The following APOO variants were observed in gnomAD, a reference collection of about 807,000 sequenced individuals.
APOO encodes apolipoprotein O.
Under a neutral mutation model 23.1 loss-of-function variants are expected in APOO, and 11 were observed. The observed-to-expected ratio is 0.48, with a 90% CI of 0.30 to 0.79. APOO has a LOEUF of 0.79. Among genes scored for constraint, APOO ranks in the 30% least tolerant of loss-of-function variants. The pLI, the probability that APOO is intolerant of heterozygous loss-of-function variation, is 0.07. For synonymous variants in APOO, 59 were observed against 54.8 expected (o/e 1.08, Z -0.34); for missense variants, 160 against 142.7 (o/e 1.12, Z -0.62).
chrX:23,879,705 G>A (rs141865061), intron 2 of APOO, among the ~76,000 whole-genome samples: 314 of 111,645 alleles, frequency 2.8e-3, no homozygotes, highest in African/African-American at 8.3e-3. Context: ...TGGGTGAAGG[G>A]GTTAAAAAAG....
chrX:23,847,659 C>A (rs1924310184), intron 7 of APOO, among the ~76,000 whole-genome samples: 1 of 108,088 alleles, frequency 9.3e-6, no homozygotes, highest in African/African-American at 3.3e-5. Context: ...GAAACAGGGT[C>A]TCGCTCTGTC....
chrX:23,847,553 G>A (rs1398331948), intron 7 of APOO, among the ~76,000 whole-genome samples: 1 of 110,281 alleles, frequency 9.1e-6, no homozygotes, highest in Admixed American at 9.7e-5. Flanking sequence ...GTGAACCCGG[G>A]AGGCAGAGCT....
chrX:23,883,271 T>TCTTG (rs1425725474), intron 1 of APOO: 2 of 110,439 alleles, frequency 1.8e-5, no homozygotes, highest in Non-Finnish European at 3.8e-5. Context: ...CACACTCCCA[T>TCTTG]CTTGTGCCTA....
chrX:23,864,733 G>T (rs1239976466), intron 5 of APOO, among the ~76,000 whole-genome samples: 2 of 112,222 alleles, frequency 1.8e-5, no homozygotes, highest in Non-Finnish European at 3.8e-5. Flanking sequence ...TATCAACCTA[G>T]ACTATTAATG....
At chrX:23,890,061 A>G (rs1926585421) in intron 1 of APOO, among the ~76,000 whole-genome samples, 1 of 111,799 alleles carries the variant, frequency 8.9e-6, no homozygotes, top group Non-Finnish European at 1.9e-5. Context: ...CAAGATAAGC[A>G]AAGTTTTGAA....
chrX:23,842,747 G>A (rs747235219), intron 7 of APOO, among the ~76,000 whole-genome samples: 6 of 112,026 alleles, frequency 5.4e-5, no homozygotes, highest in East Asian at 2.8e-4. Context: ...GGTGGCTCAC[G>A]CCTGTAATCC....
chrX:23,840,201 T>G, intron 8 of APOO, 112 bp downstream of exon 8: 1 of 425,572 alleles, frequency 2.3e-6, no homozygotes. Flanking sequence ...ATAAAATATT[T>G]TCACATCAAA....
At chrX:23,876,628 G>A (rs973185623) in intron 3 of APOO, among the ~76,000 whole-genome samples, 5 of 109,673 alleles carry the variant, frequency 4.6e-5, no homozygotes, top group African/African-American at 1.7e-4. Flanking sequence ...GTGAAACCCC[G>A]TCTCTACTAA....
chrX:23,899,273 G>A (rs1927030541), intron 1 of APOO, among the ~76,000 whole-genome samples: 1 of 112,493 alleles, frequency 8.9e-6, no homozygotes, highest in Non-Finnish European at 1.9e-5. Context: ...GCATAAAGCT[G>A]TATCAGGAAA....
At chrX:23,862,396 TAA>T (rs1925095409) in intron 5 of APOO, among the ~76,000 whole-genome samples, 1 of 111,355 alleles carries the variant, frequency 9.0e-6, no homozygotes, top group African/African-American at 3.3e-5. Context: ...CAAGAAAATA[TAA>T]GAGACACATA....
In APOO at chrX:23,852,399, C is replaced by T. The variant is rs777747974; in HGVS notation, c.561+3903G>A. Reference sequence around the variant, plus strand: ...AGATCACGAGGTCAGGAGATCAAGACCACCCTGCACAACATGGTGAAACCC... The same window carrying T: ...AGATCACGAGGTCAGGAGATCAAGATCACCCTGCACAACATGGTGAAACCC... On this transcript the variant is annotated intron_variant, in intron 7 of 8. Coordinates refer to ENST00000379226, the MANE Select transcript of APOO (RefSeq NM_024122.5). 3.6e-5 allele frequency among the ~76,000 whole-genome samples: 4 copies of T among 110,362 alleles called. No individual in the cohort carries two copies. The South Asian group carries it at 1.6e-3, about 43-fold the overall frequency.
chrX:23,838,500 T>A (rs1208436069), intron 8 of APOO, among the ~76,000 whole-genome samples: 1 of 107,165 alleles, frequency 9.3e-6, no homozygotes, highest in Non-Finnish European at 1.9e-5. Flanking sequence ...CACTGCAACC[T>A]CCGCCTCCTG....
intron 1 of APOO, among the ~76,000 whole-genome samples, chrX:23,882,599 G>A (rs1257387245): frequency 9.0e-6 from 1 of 111,488 alleles, no homozygotes; most frequent in Non-Finnish European, 1.9e-5. Flanking sequence ...ACCCTGAAAG[G>A]GCTTCCATTC....
chrX:23,878,794 C>T, intron 3 of APOO, 121 bp downstream of exon 3: 1 of 940,462 alleles, frequency 1.1e-6, no homozygotes, highest in Admixed American at 2.8e-5. Context: ...CCTTCCCAGC[C>T]TCTGTCAACC....
intron 4 of APOO, 126 bp downstream of exon 4, chrX:23,874,277 A>T (rs1601917400): frequency 1.6e-6 from 1 of 620,441 alleles, no homozygotes; most frequent in East Asian, 3.3e-5. Flanking sequence ...AAATCCACAT[A>T]GCTCTAAAAT....
At chrX:23,874,082 A>G (rs1212996394) in intron 4 of APOO, among the ~76,000 whole-genome samples, 1 of 112,382 alleles carries the variant, frequency 8.9e-6, no homozygotes, top group East Asian at 2.8e-4. Context: ...TCCGATTCAG[A>G]AAATCTATTG....
intron 5 of APOO, among the ~76,000 whole-genome samples, chrX:23,866,797 A>T (rs1420616776): frequency 9.8e-6 from 1 of 102,161 alleles, no homozygotes; most frequent in Non-Finnish European, 2.0e-5. Context: ...TCAAAAAAGA[A>T]ATCAATTAAA....
At chrX:23,905,319 G>C (rs529287031) in intron 1 of APOO, among the ~76,000 whole-genome samples, 2 of 110,100 alleles carry the variant, frequency 1.8e-5, no homozygotes, top group South Asian at 7.8e-4. Context: ...GAACCCAGGA[G>C]GCGGAGGCTG....
chrX:23,901,258 T>C (rs1466280175), intron 1 of APOO, among the ~76,000 whole-genome samples: 1 of 111,650 alleles, frequency 9.0e-6, no homozygotes, highest in African/African-American at 3.3e-5. Flanking sequence ...AGGAAGGAAG[T>C]GACACAGACC....
Sources: gnomAD v4.1 joint callset for allele counts (sites outside exome capture counted in the v4.1 genomes callset) on GRCh38, gnomAD v4.1.1 for gene constraint, MANE v1.5 for transcripts, NCBI Gene and HGNC (gene_info 2026-07-23, HGNC 2026-07-21) for gene names.